Variants in CDH12 observed in about 807,000 individuals in gnomAD.
CDH12 encodes cadherin 12.
Under a neutral mutation model 74.1 loss-of-function variants are expected in CDH12, and 41 were observed. The observed-to-expected ratio is 0.55, with a 90% CI of 0.43 to 0.72. CDH12 has a LOEUF of 0.72. Among genes scored for constraint, CDH12 ranks in the 30% least tolerant of loss-of-function variants. CDH12 has a pLI of 0.00. For synonymous variants in CDH12, 399 were observed against 355.0 expected (o/e 1.12, Z -1.39); for missense variants, 945 against 977.2 (o/e 0.97, Z 0.44).
chr5:21,894,118 C>A (rs1367433783), intron 6 of CDH12, among the ~76,000 whole-genome samples: 1 of 152,100 alleles, frequency 6.6e-6, no homozygotes, highest in Admixed American at 6.5e-5. Context: ...GCGGTTCATG[C>A]CTGTAATCCC....
intron 1 of CDH12, among the ~76,000 whole-genome samples, chr5:22,614,483 G>A (rs1346348291): frequency 3.3e-5 from 5 of 151,858 alleles, no homozygotes; most frequent in Non-Finnish European, 7.3e-5. Context: ...GAAGTTGCAG[G>A]ATTGCAATGG....
intron 3 of CDH12, among the ~76,000 whole-genome samples, chr5:22,270,741 G>A (rs1277754002): frequency 2.6e-5 from 4 of 151,402 alleles, no homozygotes; most frequent in South Asian, 2.1e-4. Flanking sequence ...GTGCAATCTC[G>A]GCTCACTGCA....
intron 1 of CDH12, among the ~76,000 whole-genome samples, chr5:22,801,917 C>T (rs888965634): frequency 1.3e-5 from 2 of 151,292 alleles, no homozygotes; most frequent in East Asian, 1.9e-4. Context: ...TCCTCCTTTT[C>T]GTTTTCTTGA....
intron 5 of CDH12, among the ~76,000 whole-genome samples, chr5:22,029,843 G>A (rs1738685285): frequency 1.3e-5 from 2 of 151,728 alleles, no homozygotes; most frequent in Non-Finnish European, 2.9e-5. Context: ...ATTCACAATA[G>A]CAAAGACTTG....
At position 22,801,684 on chromosome 5, in the gene CDH12, TAC is replaced by T. The variant is rs1363188021; in HGVS notation, c.-523+51372_-523+51373del. Reference sequence around the variant, plus strand: ...ATATATATATATATATATATATATATACACTTTGTTTAATAGGGAGAACACAT... The same window carrying T: ...ATATATATATATATATATATATATATACTTTGTTTAATAGGGAGAACACAT... On this transcript the variant is annotated intron_variant, in intron 1 of 14. Coordinates refer to ENST00000382254, the MANE Select transcript of CDH12 (RefSeq NM_004061.5). Among the ~76,000 whole-genome samples the T allele has an allele frequency of 5.0e-4, 45 of 89,252 alleles. 1 individual carries two copies. The highest frequency in any genetic ancestry group is 2.7e-3 in the African/African-American group (42 of 15,640). The allele number at this position is 89,252 out of a possible 152,430, so 58.6% of individuals were successfully genotyped here.
chr5:22,392,253 A>T (rs1742278914), intron 3 of CDH12, among the ~76,000 whole-genome samples: 1 of 152,068 alleles, frequency 6.6e-6, no homozygotes, highest in Non-Finnish European at 1.5e-5. Context: ...GAGAAGTTTG[A>T]AGTTGTGTTG....
chr5:21,832,885 T>A (rs796155594), intron 8 of CDH12, among the ~76,000 whole-genome samples: 2 of 54,428 alleles, frequency 3.7e-5, no homozygotes, highest in Non-Finnish European at 5.5e-5. Flanking sequence ...TGATATAATA[T>A]TAATATATAT....
At chr5:21,884,013 C>A in intron 6 of CDH12, 1 of 1,493,214 alleles carries the variant, frequency 6.7e-7, no homozygotes, top group Non-Finnish European at 9.3e-7. Context: ...ACTCAAAATT[C>A]CAGCAATGAC....
chr5:21,849,830 G>T (rs529057731), intron 7 of CDH12, among the ~76,000 whole-genome samples: 1 of 151,578 alleles, frequency 6.6e-6, no homozygotes, highest in Non-Finnish European at 1.5e-5. Context: ...TGAAATTATC[G>T]CCTCATAAAG....
intron 2 of CDH12, among the ~76,000 whole-genome samples, chr5:22,469,193 G>A (rs889574703): frequency 1.3e-5 from 2 of 152,186 alleles, no homozygotes; most frequent in African/African-American, 4.8e-5. Context: ...ACCAAGTGAA[G>A]AGCAAACAAA....
intron 4 of CDH12, among the ~76,000 whole-genome samples, chr5:22,171,148 C>T (rs1366818326): frequency 6.6e-6 from 1 of 151,794 alleles, no homozygotes; most frequent in Admixed American, 6.6e-5. Flanking sequence ...AGGAATCAGG[C>T]CTTTGCTTCT....
intron 1 of CDH12, among the ~76,000 whole-genome samples, chr5:22,591,059 C>T (rs1736290863): frequency 6.6e-6 from 1 of 152,132 alleles, no homozygotes; most frequent in Non-Finnish European, 1.5e-5. Context: ...TTATTGCTTT[C>T]CTTTTCTGTC....
rs1462073320 is a variant in CDH12 at position 22,058,792 on chromosome 5, G to C, written c.231+19654C>G. On this transcript the variant is annotated intron_variant, in intron 5 of 14. Coordinates refer to ENST00000382254, the MANE Select transcript of CDH12 (RefSeq NM_004061.5). ...GAAGGGAGGGAGGGAGGGAGGAAAAGGGAGGAAGGAAGGAAGGAAAATAAA... is the reference window on the plus strand; with the variant it reads ...GAAGGGAGGGAGGGAGGGAGGAAAACGGAGGAAGGAAGGAAGGAAAATAAA... 4.0e-5 allele frequency among the ~76,000 whole-genome samples: 6 copies of C among 151,344 alleles called. No homozygotes were observed. The East Asian group carries it at 1.2e-3, about 30-fold the overall frequency.
At chr5:22,177,919 C>T (rs908003137) in intron 4 of CDH12, among the ~76,000 whole-genome samples, 3 of 152,080 alleles carry the variant, frequency 2.0e-5, no homozygotes, top group Admixed American at 6.6e-5. Context: ...ACACTTAATT[C>T]CAATCATAAA....
At chr5:22,506,967 G>C (rs1736411498) in intron 1 of CDH12, among the ~76,000 whole-genome samples, 1 of 151,986 alleles carries the variant, frequency 6.6e-6, no homozygotes, top group Non-Finnish European at 1.5e-5. Flanking sequence ...TTTATGAAAT[G>C]CTCCTCTCTC....
intron 1 of CDH12, among the ~76,000 whole-genome samples, chr5:22,601,340 G>A (rs1366395456): frequency 6.6e-6 from 1 of 152,074 alleles, no homozygotes; most frequent in East Asian, 1.9e-4. Context: ...TCACTTACAA[G>A]TGGGAGCTAA....
At chr5:22,499,454 C>A (rs1747245182) in intron 2 of CDH12, among the ~76,000 whole-genome samples, 1 of 152,056 alleles carries the variant, frequency 6.6e-6, no homozygotes. Flanking sequence ...TAGAATGGTT[C>A]CTGGGGAATG....
At chr5:22,166,168 T>TA (rs1561181857) in intron 4 of CDH12, among the ~76,000 whole-genome samples, 12 of 151,994 alleles carry the variant, frequency 7.9e-5, no homozygotes, top group African/African-American at 2.7e-4. Flanking sequence ...ATCACTTTTT[T>TA]TAAAAAAATA....
chr5:21,803,954 T>C (rs1185371220), intron 9 of CDH12, among the ~76,000 whole-genome samples: 1 of 152,190 alleles, frequency 6.6e-6, no homozygotes, highest in South Asian at 2.1e-4. Flanking sequence ...GAATTTATTA[T>C]AACAAAACAG....
Sources: gnomAD v4.1 joint callset for allele counts (sites outside exome capture counted in the v4.1 genomes callset) on GRCh38, gnomAD v4.1.1 for gene constraint, MANE v1.5 for transcripts, NCBI Gene and HGNC (gene_info 2026-07-23, HGNC 2026-07-21) for gene names.